The following QRICH1 variants were observed in gnomAD, a reference collection of about 807,000 sequenced individuals.
The protein encoded by QRICH1 is glutamine rich 1.
QRICH1 carries 16 observed loss-of-function variants against 87.1 expected under a neutral mutation model. That is an observed-to-expected ratio of 0.18 (90% CI 0.12 to 0.28). The LOEUF (loss-of-function observed/expected upper bound fraction) is 0.28. Ranked by LOEUF, QRICH1 falls within the 10% of genes least tolerant of loss-of-function variation. The probability of loss-of-function intolerance (pLI) is 1.00; values close to 1 mark genes in which losing one functional copy is unlikely to be tolerated. For missense variants in QRICH1, 647 were observed against 951.7 expected (o/e 0.68, Z 4.21); for synonymous variants, 367 against 368.4 (o/e 1.00, Z 0.05).
rs1380064165 is a variant in QRICH1, at chr3:49,047,053, C to G, written c.1516+16G>C. The G allele has an allele frequency of 6.2e-7, 1 of 1,602,342 alleles. No individual in the cohort carries two copies. Among genetic ancestry groups the G allele is most frequent in the African/African-American group, 1.3e-5 (1 of 74,696 alleles). On this transcript the variant is annotated intron_variant, in intron 4 of 9. Transcript: ENST00000395443. ...TGCATTTTAGACACAGCCCACTCTT[C>G]TTCCAAGACACTCACTCCCAATGGG...
chr3:49,075,828 G>A (rs1395888913), intron 2 of QRICH1, among the ~76,000 whole-genome samples: 1 of 152,132 alleles, frequency 6.6e-6, no homozygotes, highest in Non-Finnish European at 1.5e-5. Flanking sequence ...TGTAGTCCCA[G>A]CTACTCAGGA....
intron 7 of QRICH1, 156 bp downstream of exon 7, chr3:49,032,964 C>T (rs2093251246): frequency 1.1e-6 from 1 of 914,418 alleles, no homozygotes; most frequent in African/African-American, 1.7e-5. Context: ...GGGTGTTTGC[C>T]TCACTGGTTA....
At chr3:49,088,115 C>A (rs1395348810) in intron 1 of QRICH1, among the ~76,000 whole-genome samples, 1 of 151,916 alleles carries the variant, frequency 6.6e-6, no homozygotes, top group South Asian at 2.1e-4. Context: ...CCACATCCAG[C>A]TAATTTTTTT....
intron 2 of QRICH1, among the ~76,000 whole-genome samples, chr3:49,073,313 G>A (rs959827498): frequency 2.6e-5 from 4 of 152,176 alleles, no homozygotes; most frequent in African/African-American, 4.8e-5. Context: ...GGCCAAGGCC[G>A]GTGGATCACC....
chr3:49,039,728 ATAAACT>A (rs1304265311), intron 6 of QRICH1, among the ~76,000 whole-genome samples: 1 of 151,924 alleles, frequency 6.6e-6, no homozygotes, highest in East Asian at 1.9e-4. Flanking sequence ...AATGGAAAAA[ATAAACT>A]TAAAAACAAA....
In QRICH1 at chr3:49,047,218, T is replaced by A; in HGVS notation, c.1367A>T (p.Glu456Val). The A allele has an allele frequency of 6.2e-7, 1 of 1,614,104 alleles. No individual in the cohort carries two copies. The highest frequency in any genetic ancestry group is 1.1e-5 in the South Asian group (1 of 91,072). ...SAQTVQVAEVEPQSQPQPSPE... is the reference protein window; with the variant it reads ...SAQTVQVAEVVPQSQPQPSPE... ...GGAAGGCTGTGGCTGTGACTGTGGT[T>A]CAACTTCAGCAACCTGGACAGTTTG... The change falls in exon 4 of 10, where the codon GAA (glutamate) becomes GTA (valine). Residue 456 changes from glutamate to valine, a missense_variant. Glu to Val is a moderately radical substitution (Grantham distance 121, BLOSUM62 -2). This residue lies in a region of QRICH1 where 187 missense variants were observed against 309.5 expected (regional missense o/e 0.60). Transcript: ENST00000395443.
chr3:49,047,162 G>A lies in QRICH1; in HGVS notation c.1423C>T (p.Pro475Ser), dbSNP rs1338592732. The change falls in exon 4 of 10, where the codon CCA (proline) becomes TCA (serine). Residue 475 changes from proline to serine, a missense_variant. Pro to Ser is a moderately conservative substitution (Grantham distance 74, BLOSUM62 -1). Coordinates refer to ENST00000395443, the MANE Select transcript of QRICH1 (RefSeq NM_198880.3). The stretch of plus-strand genomic sequence containing the variant: ...TTCCATACTTCAAGCCCTTCTTCTG[G>A]CTTCAAAGAATTTGGAAGCAGAAGT... ...PELLLPNSLKPEEGLEVWKNW... is the reference protein window; with the variant it reads ...PELLLPNSLKSEEGLEVWKNW... 3.7e-6 allele frequency: 6 copies of A among 1,613,970 alleles called. No individual in the cohort carries two copies. The African/African-American group carries it at 6.7e-5, about 18-fold the overall frequency.
chr3:49,041,824 T>A (rs1050288791), intron 6 of QRICH1, among the ~76,000 whole-genome samples: 10 of 151,880 alleles, frequency 6.6e-5, no homozygotes, highest in African/African-American at 2.4e-4. Context: ...GAGACGGGGT[T>A]TCACAGTGTT....
Position 49,032,700 on chromosome 3 carries a change from T to G in QRICH1, c.1969A>C (p.Asn657His). 1 of 1,613,076 alleles carries G rather than the reference T, an allele frequency of 6.2e-7. No homozygotes were observed. The highest frequency in any genetic ancestry group is 8.5e-7 in the Non-Finnish European group (1 of 1,179,618). The change falls in exon 8 of 10, where the codon AAC becomes CAC. Residue 657 changes from asparagine to histidine, a missense_variant. By Grantham distance (68) the Asn-to-His change is moderately conservative (BLOSUM62 1). This residue lies in a region of QRICH1 where 187 missense variants were observed against 309.5 expected (regional missense o/e 0.60). Transcript: ENST00000395443. ...FSKVLRQTKKNPSNPKDKSTS... is the reference protein window; with the variant it reads ...FSKVLRQTKKHPSNPKDKSTS... ...CTTTTATCCTTGGGATTAGAGGGGT[T>G]CTTCTTTGTCTGTCGCAAGACCTTG...
At chr3:49,032,802 G>A (rs753985840) in intron 7 of QRICH1, 29 bp from the exon 8 acceptor site, 2 of 1,594,444 alleles carry the variant, frequency 1.3e-6, no homozygotes, top group East Asian at 2.3e-5. Context: ...GCAAGGCAGA[G>A]GGAGGGGTGC....
In QRICH1 at chr3:49,032,661, A is replaced by T; in HGVS notation, c.2008T>A (p.Tyr670Asn). The T allele has an allele frequency of 6.2e-7, 1 of 1,610,412 alleles. No homozygotes were observed. The highest frequency in any genetic ancestry group is 8.5e-7 in the Non-Finnish European group (1 of 1,178,568). The change falls in exon 8 of 10, where the codon TAC becomes AAC. Residue 670 changes from tyrosine (Y) to asparagine (N), a missense_variant. Physicochemically the swap from Tyr to Asn is moderately radical, Grantham distance 143. Transcript: ENST00000395443. ...NPKDKSTSIR[Y>N]LKALGIHQTG... The stretch of plus-strand genomic sequence containing the variant: ...TGGTGTATTCCAAGGGCCTTCAAGT[A>T]CCGGATACTCGTGCTTTTATCCTTG...
Position 49,047,870 on chromosome 3 carries a change from TTGAG to T in QRICH1, c.1339-628_1339-625del, listed in dbSNP as rs140523865. Among the ~76,000 whole-genome samples, 253 of 152,154 alleles carry T rather than the reference TTGAG, an allele frequency of 1.7e-3. 2 individuals carry two copies. Among genetic ancestry groups the T allele is most frequent in the African/African-American group, 5.7e-3 (238 of 41,520 alleles). Reference sequence around the variant, plus strand: ...AAGGTATCAATTGTTTAAAAACTCCTTGAGTAAGATTGCACCACTGCACTCCAGC... The same window carrying T: ...AAGGTATCAATTGTTTAAAAACTCCTTAAGATTGCACCACTGCACTCCAGC... On this transcript the variant is annotated intron_variant, in intron 3 of 9. Transcript: ENST00000395443.
chr3:49,030,285 T>G lies in QRICH1; in HGVS notation c.*167A>C, dbSNP rs1356726234. 2.1e-5 allele frequency: 14 copies of G among 664,552 alleles called. No homozygotes were observed. The East Asian group carries it at 4.1e-4, about 19-fold the overall frequency. The allele number at this position is 664,552 out of a possible 1,614,324, so 41.2% of individuals were successfully genotyped here. A position where few individuals can be genotyped will look rare whatever the true frequency, so the allele number is the denominator to read the frequency against. On this transcript the variant is annotated 3_prime_UTR_variant, in exon 10 of 10. Transcript: ENST00000395443. ...GTCTGCCGCAGCAGGTTTATGAAGATGCAAAGGGGGCAAAGTTTTCTTTTA... is the reference window on the plus strand; with the variant it reads ...GTCTGCCGCAGCAGGTTTATGAAGAGGCAAAGGGGGCAAAGTTTTCTTTTA...
intron 2 of QRICH1, among the ~76,000 whole-genome samples, chr3:49,059,347 A>G (rs971470625): frequency 2.2e-4 from 34 of 151,464 alleles, no homozygotes; most frequent in African/African-American, 7.3e-4. Context: ...TTAAACTTCA[A>G]ACTCCTCAAG....
chr3:49,032,341 G>A (rs2093246070), intron 8 of QRICH1, 68 bp from the exon 9 acceptor site: 3 of 1,031,568 alleles, frequency 2.9e-6, no homozygotes, highest in East Asian at 2.9e-5. Context: ...CCCAGATCAG[G>A]AAACTTAGGC....
intron 2 of QRICH1, among the ~76,000 whole-genome samples, chr3:49,061,990 TAAC>T (rs1372705371): frequency 6.6e-6 from 1 of 151,994 alleles, no homozygotes; most frequent in Non-Finnish European, 1.5e-5. Context: ...AAAAGACAGA[TAAC>T]AAGTATAGGT....
intron 1 of QRICH1, among the ~76,000 whole-genome samples, chr3:49,085,203 T>C (rs537855217): frequency 1.3e-5 from 2 of 152,004 alleles, no homozygotes; most frequent in East Asian, 3.9e-4. Flanking sequence ...GTAAGACACA[T>C]AATTCTGGCT....
chr3:49,058,389 C>T (rs2093415690), intron 2 of QRICH1, among the ~76,000 whole-genome samples: 1 of 151,416 alleles, frequency 6.6e-6, no homozygotes, highest in African/African-American at 2.4e-5. Context: ...TGCAGTGGTG[C>T]CATCTCAGCT....
intron 2 of QRICH1, among the ~76,000 whole-genome samples, chr3:49,069,542 A>ATTTTTTTTTTTTTTTTTTTTT (rs1207477854): frequency 9.1e-6 from 1 of 109,320 alleles, no homozygotes. Flanking sequence ...CATGGGGGGG[A>ATTTTTTTTTTTTTTTTTTTTT]ATTTTTTTTT....
Sources: gnomAD v4.1 joint callset for allele counts (sites outside exome capture counted in the v4.1 genomes callset) on GRCh38, gnomAD v4.1.1 for gene constraint, gnomAD v4.1.1 regional missense constraint, MANE v1.5 for transcripts, NCBI Gene and HGNC (gene_info 2026-07-23, HGNC 2026-07-21) for gene names.